Variants in FRMD4B observed in about 807,000 individuals in gnomAD.
FRMD4B encodes FERM domain-containing protein 4B.
In FRMD4B, 74 loss-of-function variants were observed where a neutral mutation model predicts 141.5. The observed-to-expected ratio is 0.52, with a 90% CI of 0.43 to 0.63. The LOEUF is 0.63. Among genes scored for constraint, FRMD4B ranks in the 30% least tolerant of loss-of-function variants. The pLI is 0.00. For missense variants in FRMD4B, 1,366 were observed against 1,253.4 expected (o/e 1.09, Z -1.36); for synonymous variants, 506 against 467.9 (o/e 1.08, Z -1.05).
intron 1 of FRMD4B, among the ~76,000 whole-genome samples, chr3:69,354,371 A>G (rs1348233081): frequency 6.6e-6 from 1 of 152,198 alleles, no homozygotes; most frequent in African/African-American, 2.4e-5. Context: ...TGACTAAGTA[A>G]AAGTTTGTGA....
chr3:69,183,474 A>ATTTTTTTTT (rs771537044), intron 19 of FRMD4B, among the ~76,000 whole-genome samples: 1 of 113,252 alleles, frequency 8.8e-6, no homozygotes, highest in African/African-American at 3.8e-5. Context: ...TTAGAAGTTA[A>ATTTTTTTTT]TTTTTTTTTT....
At chr3:69,363,003 A>C (rs111868405) in intron 1 of FRMD4B, among the ~76,000 whole-genome samples, 8 of 151,018 alleles carry the variant, frequency 5.3e-5, no homozygotes, top group African/African-American at 7.3e-5. Context: ...AAAAAAAAAA[A>C]AAACAAACAA....
intron 1 of FRMD4B, among the ~76,000 whole-genome samples, chr3:69,514,302 C>T (rs1700709895): frequency 6.6e-6 from 1 of 151,880 alleles, no homozygotes; most frequent in South Asian, 2.1e-4. Flanking sequence ...TTTCATTTAC[C>T]ATGGCATCAA....
At chr3:69,357,929 T>C (rs2107456381) in intron 1 of FRMD4B, among the ~76,000 whole-genome samples, 1 of 152,312 alleles carries the variant, frequency 6.6e-6, no homozygotes, top group Non-Finnish European at 1.5e-5. Context: ...GTTCAAATAT[T>C]TCTTGAGCAT....
chr3:69,238,891 G>A (rs927679508), intron 7 of FRMD4B, among the ~76,000 whole-genome samples: 2 of 152,114 alleles, frequency 1.3e-5, no homozygotes, highest in East Asian at 3.9e-4. Context: ...GCTGGTGGTC[G>A]ATTATTACTA....
intron 6 of FRMD4B, 80 bp from the exon 7 acceptor site, chr3:69,249,328 C>T: frequency 2.2e-6 from 2 of 929,296 alleles, no homozygotes; most frequent in Non-Finnish European, 3.4e-6. Flanking sequence ...ATTACTTTCC[C>T]CTCTTAAAGT....
At chr3:69,297,624 C>T (rs1226055904) in intron 4 of FRMD4B, among the ~76,000 whole-genome samples, 4 of 152,158 alleles carry the variant, frequency 2.6e-5, no homozygotes, top group East Asian at 1.9e-4. Flanking sequence ...AGTGAGGTCA[C>T]GCCAAGGCCC....
At position 69,253,183 on chromosome 3, in the gene FRMD4B, A is replaced by ATT. The variant is rs5849890; in HGVS notation, c.502-3086_502-3085dup. ...GGAAATTAGTGAAAATATGATTCCT[A>ATT]TTTTTTTTTTTTTTTTTTTTTGCAG... is the stretch of plus-strand genomic sequence containing the variant. On this transcript the variant is annotated intron_variant, in intron 5 of 22. Transcript: ENST00000398540. Among the ~76,000 whole-genome samples, 740 of 129,752 alleles carry ATT rather than the reference A, an allele frequency of 5.7e-3. 30 individuals are homozygous for ATT. The highest frequency in any genetic ancestry group is 0.013 in the South Asian group (50 of 3,962). The allele number at this position is 129,752 out of a possible 152,430, so 85.1% of individuals were successfully genotyped here. A position where few individuals can be genotyped will look rare whatever the true frequency, so the allele number is the denominator to read the frequency against.
intron 8 of FRMD4B, among the ~76,000 whole-genome samples, chr3:69,222,484 A>G (rs903751413): frequency 2.0e-5 from 3 of 150,944 alleles, no homozygotes; most frequent in African/African-American, 7.3e-5. Context: ...AAAAAAAAAA[A>G]AAAGACTTAA....
chr3:69,472,131 T>A, intron 1 of FRMD4B: 1 of 226,800 alleles, frequency 4.4e-6, no homozygotes, highest in South Asian at 8.1e-5. Flanking sequence ...GGAATTTCTT[T>A]TTCAGGTTCA....
intron 1 of FRMD4B, among the ~76,000 whole-genome samples, chr3:69,375,750 T>C (rs1326435645): frequency 6.6e-6 from 1 of 152,216 alleles, no homozygotes; most frequent in African/African-American, 2.4e-5. Flanking sequence ...TGTGACTTAT[T>C]ACCTATTATA....
chr3:69,532,171 G>C (rs368478641), intron 1 of FRMD4B, among the ~76,000 whole-genome samples: 1 of 152,092 alleles, frequency 6.6e-6, no homozygotes, highest in Admixed American at 6.5e-5. Flanking sequence ...TAGTTCATTC[G>C]TGATGGCCCC....
intron 7 of FRMD4B, among the ~76,000 whole-genome samples, chr3:69,232,809 A>G (rs2093318738): frequency 6.7e-6 from 1 of 149,420 alleles, no homozygotes; most frequent in Non-Finnish European, 1.5e-5. Context: ...GAAAACTAAG[A>G]CCCTTGCTGT....
chr3:69,373,744 G>T (rs570454138), intron 1 of FRMD4B, among the ~76,000 whole-genome samples: 2 of 152,124 alleles, frequency 1.3e-5, no homozygotes, highest in East Asian at 1.9e-4. Context: ...GTGTGGTGGC[G>T]CGCCTGGAGT....
chr3:69,241,698 G>A (rs950284126), intron 7 of FRMD4B, among the ~76,000 whole-genome samples: 3 of 152,024 alleles, frequency 2.0e-5, no homozygotes, highest in Non-Finnish European at 2.9e-5. Flanking sequence ...AGGCGCTTGA[G>A]ACCAGTCTGG....
rs574544645 is a variant in FRMD4B, at chr3:69,274,334, A to C, written c.501+13418T>G. On this transcript the variant is annotated intron_variant, in intron 5 of 22. Transcript: ENST00000398540. ...AAAGTTGATGAAACAAAGGCTTAAA[A>C]ATGTAAGTACGATGCCCAGTATAGA... Among the ~76,000 whole-genome samples the C allele has an allele frequency of 1.1e-4, 17 of 152,230 alleles. No individual in the cohort carries two copies. In the South Asian group the frequency reaches 3.5e-3, roughly 32 times the overall value.
At chr3:69,266,194 C>G (rs1290598908) in intron 5 of FRMD4B, among the ~76,000 whole-genome samples, 1 of 150,852 alleles carries the variant, frequency 6.6e-6, no homozygotes, top group Non-Finnish European at 1.5e-5. Flanking sequence ...AGAGTGAGAC[C>G]TTGTCTCAAA....
chr3:69,377,642 A>G (rs940196568), intron 1 of FRMD4B, among the ~76,000 whole-genome samples: 1 of 152,104 alleles, frequency 6.6e-6, no homozygotes, highest in African/African-American at 2.4e-5. Flanking sequence ...CCCCTTTTCA[A>G]GGGTAGCCCA....
chr3:69,509,357 T>C lies in FRMD4B; in HGVS notation c.-129+32849A>G, dbSNP rs564732891. On this transcript the variant is annotated intron_variant, in intron 1 of 5. Coordinates refer to the FRMD4B transcript ENST00000459638. ...AGAAACATTCATCAGAATTTTCCCT[T>C]AGGAATTTTTGCAAAAGCTAGCTGT... Among the ~76,000 whole-genome samples, 8 of 152,302 alleles carry C rather than the reference T, an allele frequency of 5.3e-5. No individual in the cohort carries two copies. In the South Asian group the frequency reaches 6.2e-4, roughly 12 times the overall value.
Sources: gnomAD v4.1 joint callset for allele counts (sites outside exome capture counted in the v4.1 genomes callset) on GRCh38, gnomAD v4.1.1 for gene constraint, MANE v1.5 for transcripts, NCBI Gene and HGNC (gene_info 2026-07-23, HGNC 2026-07-21) for gene names.